Variants in ADAMTS19 observed in about 807,000 individuals in gnomAD.
ADAMTS19 encodes the protein ADAM metallopeptidase with thrombospondin type 1 motif 19.
Under a neutral mutation model 153.3 loss-of-function variants are expected in ADAMTS19, and 93 were observed. That is an observed-to-expected ratio of 0.61 (90% CI 0.51 to 0.72). ADAMTS19 has a LOEUF of 0.72. Among genes scored for constraint, ADAMTS19 ranks in the 30% least tolerant of loss-of-function variants. ADAMTS19 has a pLI of 0.00. For synonymous variants in ADAMTS19, 600 were observed against 556.6 expected (o/e 1.08, Z -1.10); for missense variants, 1,482 against 1,552.1 (o/e 0.95, Z 0.76).
At chr5:129,586,305 A>T (rs1350701976) in intron 7 of ADAMTS19, among the ~76,000 whole-genome samples, 1 of 152,152 alleles carries the variant, frequency 6.6e-6, no homozygotes, top group African/African-American at 2.4e-5. Flanking sequence ...TGCCTTAAAA[A>T]ATCTTCTGTG....
intron 19 of ADAMTS19, among the ~76,000 whole-genome samples, chr5:129,697,280 T>C (rs1755602875): frequency 6.6e-6 from 1 of 152,138 alleles, no homozygotes; most frequent in Non-Finnish European, 1.5e-5. Context: ...CCTCCTTTCA[T>C]ATAATGGTCT....
intron 18 of ADAMTS19, among the ~76,000 whole-genome samples, chr5:129,688,915 T>A (rs1755208282): frequency 6.6e-6 from 1 of 152,216 alleles, no homozygotes; most frequent in Admixed American, 6.5e-5. Context: ...GAAGTGTGGA[T>A]CAGTTTGCTA....
intron 6 of ADAMTS19, among the ~76,000 whole-genome samples, chr5:129,537,967 A>G (rs1752513487): frequency 1.3e-5 from 2 of 152,060 alleles, no homozygotes; most frequent in Admixed American, 6.6e-5. Flanking sequence ...AAAAAAGAGT[A>G]GTAAATTGAA....
At chr5:129,626,247 G>T (rs1752040765) in intron 10 of ADAMTS19, among the ~76,000 whole-genome samples, 1 of 151,968 alleles carries the variant, frequency 6.6e-6, no homozygotes, top group African/African-American at 2.4e-5. Flanking sequence ...ATGCTATATT[G>T]TCTTCTCTAT....
At chr5:129,640,600 C>G (rs1752746167) in intron 10 of ADAMTS19, among the ~76,000 whole-genome samples, 1 of 152,030 alleles carries the variant, frequency 6.6e-6, no homozygotes, top group African/African-American at 2.4e-5. Context: ...AACATAAAGT[C>G]CCTAGTCTTT....
At chr5:129,478,716 T>C (rs1206116617) in intron 2 of ADAMTS19, among the ~76,000 whole-genome samples, 1 of 152,130 alleles carries the variant, frequency 6.6e-6, no homozygotes, top group Non-Finnish European at 1.5e-5. Context: ...TTTTTACATT[T>C]TTTTTTGTAC....
intron 3 of ADAMTS19, among the ~76,000 whole-genome samples, chr5:129,520,192 A>C (rs925368182): frequency 6.6e-6 from 1 of 151,938 alleles, no homozygotes; most frequent in Non-Finnish European, 1.5e-5. Flanking sequence ...TTTTCTTCAA[A>C]ACTTTCTCTT....
At position 129,528,500 on chromosome 5, in the gene ADAMTS19, T is replaced by C; in HGVS notation, c.1171-20T>C. ...TACCTAAGAATAATATGCCTTGTGA[T>C]GAGCTCTGTTCTTTTGCAGCCAGAA... is the stretch of plus-strand genomic sequence containing the variant. On this transcript the variant is annotated intron_variant, in intron 5 of 22. Transcript: ENST00000274487. 3.9e-6 allele frequency: 6 copies of C among 1,545,160 alleles called. No individual in the cohort carries two copies. The highest frequency in any genetic ancestry group is 5.2e-6 in the Non-Finnish European group (6 of 1,151,378).
At chr5:129,485,040 A>C (rs1364652622) in intron 2 of ADAMTS19, among the ~76,000 whole-genome samples, 1 of 152,156 alleles carries the variant, frequency 6.6e-6, no homozygotes, top group African/African-American at 2.4e-5. Flanking sequence ...CCTAGTTTAC[A>C]ATTAAAGAAA....
intron 10 of ADAMTS19, among the ~76,000 whole-genome samples, chr5:129,627,143 T>C (rs1050157738): frequency 6.6e-6 from 1 of 151,970 alleles, no homozygotes; most frequent in African/African-American, 2.4e-5. Flanking sequence ...AAGTATAAGA[T>C]ATTGGGGACA....
intron 19 of ADAMTS19, among the ~76,000 whole-genome samples, chr5:129,697,144 T>C (rs1755594897): frequency 6.6e-6 from 1 of 152,206 alleles, no homozygotes; most frequent in Non-Finnish European, 1.5e-5. Context: ...GGTTGGAATT[T>C]AGTATCTTAT....
At chr5:129,472,048 T>A (rs1750085808) in intron 2 of ADAMTS19, among the ~76,000 whole-genome samples, 1 of 152,258 alleles carries the variant, frequency 6.6e-6, no homozygotes, top group African/African-American at 2.4e-5. Flanking sequence ...GAACAATTTG[T>A]ATTGCTTTGG....
intron 14 of ADAMTS19, among the ~76,000 whole-genome samples, chr5:129,658,377 G>GAGAGAGAGA (rs1318590344): frequency 2.0e-5 from 3 of 148,310 alleles, no homozygotes; most frequent in Admixed American, 6.6e-5. Flanking sequence ...AAGAGAGAGA[G>GAGAGAGAGA]GAAGGAAGGA....
intron 21 of ADAMTS19, among the ~76,000 whole-genome samples, chr5:129,731,980 T>G (rs1757460214): frequency 6.6e-6 from 1 of 152,126 alleles, no homozygotes; most frequent in African/African-American, 2.4e-5. Flanking sequence ...TTACATATAG[T>G]TTTGATACCA....
chr5:129,657,587 C>T (rs958121743), intron 14 of ADAMTS19, among the ~76,000 whole-genome samples: 3 of 152,072 alleles, frequency 2.0e-5, no homozygotes, highest in African/African-American at 7.2e-5. Flanking sequence ...TTCCTATGAA[C>T]GAAATTCTTC....
intron 8 of ADAMTS19, among the ~76,000 whole-genome samples, chr5:129,607,008 C>T (rs903962189): frequency 2.6e-5 from 4 of 152,142 alleles, no homozygotes; most frequent in African/African-American, 9.7e-5. Context: ...ACCTCCATCT[C>T]CTGGGTTCAA....
At chr5:129,608,090 A>ATGTGTG (rs747075161) in intron 8 of ADAMTS19, among the ~76,000 whole-genome samples, 2,280 of 104,390 alleles carry the variant, frequency 0.022, 119 homozygotes, top group African/African-American at 0.076. Context: ...TTTTATATAT[A>ATGTGTG]TGTGTGTGTG....
chr5:129,649,400 A>G (rs1753214299), intron 13 of ADAMTS19, among the ~76,000 whole-genome samples: 1 of 152,240 alleles, frequency 6.6e-6, no homozygotes, highest in African/African-American at 2.4e-5. Context: ...CTATTAATAC[A>G]TGCAACAACC....
At chr5:129,551,015 A>T (rs1190211498) in intron 6 of ADAMTS19, among the ~76,000 whole-genome samples, 3 of 151,558 alleles carry the variant, frequency 2.0e-5, no homozygotes, top group Non-Finnish European at 3.0e-5. Context: ...TCCCTTGCAC[A>T]GTAACCTAAG....
Sources: allele counts gnomAD v4.1 joint callset (sites outside exome capture counted in the v4.1 genomes callset), GRCh38; gene constraint gnomAD v4.1.1; transcripts MANE v1.5; gene names NCBI Gene and HGNC (gene_info 2026-07-23, HGNC 2026-07-21).